RYR2: variants seen among roughly 807,000 people sequenced by gnomAD.
The protein encoded by RYR2 is cardiac muscle ryanodine receptor-calcium release channel.
In RYR2, 227 loss-of-function variants were observed where a neutral mutation model predicts 601.1. The ratio of observed to expected loss-of-function variants is 0.38; its 90% confidence interval spans 0.34 to 0.42. RYR2 has a LOEUF of 0.42. Ranked by LOEUF, RYR2 falls within the 10% of genes least tolerant of loss-of-function variation. RYR2 has a pLI of 1.00. For missense variants in RYR2, 4,646 were observed against 6,156.5 expected, an observed-to-expected ratio of 0.75 and a Z score of 8.21; for synonymous variants, 2,223 against 2,175.1, an observed-to-expected ratio of 1.02 and a Z score of -0.61.
intron 1 of RYR2, among the ~76,000 whole-genome samples, chr1:237,242,193 G>GTTTT (rs1389322285): frequency 2.0e-5 from 1 of 50,068 alleles, no homozygotes; most frequent in African/African-American, 3.5e-5. Context: ...TTTGATCACT[G>GTTTT]TTTTTTTTGT....
intron 1 of RYR2, among the ~76,000 whole-genome samples, chr1:237,053,755 A>G (rs1483572162): frequency 2.6e-5 from 4 of 152,108 alleles, no homozygotes; most frequent in Admixed American, 6.5e-5. Context: ...ATTCTACTAC[A>G]CAGTGGACAT....
At chr1:237,059,922 C>A (rs1471017001) in intron 1 of RYR2, among the ~76,000 whole-genome samples, 1 of 152,112 alleles carries the variant, frequency 6.6e-6, no homozygotes, top group Non-Finnish European at 1.5e-5. Flanking sequence ...CTGTAGGGTG[C>A]TGTAGACTTA....
At chr1:237,809,111 T>C in intron 100 of RYR2, 76 bp downstream of exon 100, 1 of 1,287,996 alleles carries the variant, frequency 7.8e-7, no homozygotes, top group Non-Finnish European at 1.1e-6. Context: ...GTGTATTTAT[T>C]CTCTAACAGT....
chr1:237,302,746 G>T (rs1443738991), intron 2 of RYR2, among the ~76,000 whole-genome samples: 2 of 152,012 alleles, frequency 1.3e-5, no homozygotes, highest in Non-Finnish European at 2.9e-5. Flanking sequence ...GTATTTGTTT[G>T]TTTTCCATTT....
chr1:237,755,105 C>T (rs779777326), intron 80 of RYR2: 2 of 1,288,110 alleles, frequency 1.6e-6, no homozygotes, highest in Admixed American at 2.3e-5. Flanking sequence ...CCAGCCTCGG[C>T]GAGAACTCTC....
intron 7 of RYR2, among the ~76,000 whole-genome samples, chr1:237,376,593 A>G (rs1428558477): frequency 6.6e-6 from 1 of 152,210 alleles, no homozygotes; most frequent in Non-Finnish European, 1.5e-5. Flanking sequence ...TATGAACAGA[A>G]TGAAGAATGG....
Position 237,593,466 on chromosome 1 carries a change from A to G in RYR2, c.4276-10A>G, listed in dbSNP as rs551064291. On this transcript the variant is annotated splice_polypyrimidine_tract_variant and intron_variant, in intron 32 of 104. Transcript: ENST00000366574. ...TACTTTGCCAATATTTGGTTCTGCT[A>G]TCTTCACAGTACTATTACTCAGTGA... 6.3e-6 allele frequency: 10 copies of G among 1,589,880 alleles called. No homozygotes were observed. The highest frequency in any genetic ancestry group is 2.7e-5 in the African/African-American group (2 of 74,034).
chr1:237,562,403 T>C (rs1559030869), intron 27 of RYR2, among the ~76,000 whole-genome samples: 1 of 152,206 alleles, frequency 6.6e-6, no homozygotes, highest in Non-Finnish European at 1.5e-5. Context: ...TATAGTTAGA[T>C]CTTGACTGCC....
At chr1:237,592,064 A>T (rs914446666) in intron 32 of RYR2, among the ~76,000 whole-genome samples, 1 of 152,210 alleles carries the variant, frequency 6.6e-6, no homozygotes, top group African/African-American at 2.4e-5. Flanking sequence ...TAGAAAAAAT[A>T]TTTGTAATGG....
At chr1:237,578,053 GCCTGCTGTGGCCTC>G (rs1162333704) in intron 29 of RYR2, among the ~76,000 whole-genome samples, 1 of 152,114 alleles carries the variant, frequency 6.6e-6, no homozygotes, top group African/African-American at 2.4e-5. Flanking sequence ...AAGGTGATCT[GCCTGCTGTGGCCTC>G]CCAAAGTGCT....
At chr1:237,794,721 A>G (rs1175256428) in intron 95 of RYR2, among the ~76,000 whole-genome samples, 1 of 152,242 alleles carries the variant, frequency 6.6e-6, no homozygotes, top group Non-Finnish European at 1.5e-5. Flanking sequence ...GAGTTGTCAA[A>G]TGGAGATTAT....
chr1:237,490,405 C>T (rs1410886904), intron 17 of RYR2, among the ~76,000 whole-genome samples: 2 of 152,104 alleles, frequency 1.3e-5, no homozygotes, highest in South Asian at 4.1e-4. Context: ...AGAAAACAAA[C>T]AAAAACATCG....
chr1:237,702,249 G>C (rs1172760031), intron 66 of RYR2, among the ~76,000 whole-genome samples, 190 bp downstream of exon 66: 1 of 152,158 alleles, frequency 6.6e-6, no homozygotes, highest in African/African-American at 2.4e-5. Flanking sequence ...GGACAATGGA[G>C]TTATGCAAAG....
chr1:237,497,652 A>G lies in RYR2; in HGVS notation c.2203+900A>G, dbSNP rs556752069. Among the ~76,000 whole-genome samples, 6 of 152,338 alleles carry G rather than the reference A, an allele frequency of 3.9e-5. No homozygotes were observed. In the South Asian group the frequency reaches 1.2e-3, roughly 32 times the overall value. ...TTGCCTCATGTGGAGTACAAATGAT[A>G]GACATTTATGAATGCTTTATGGGCC... On this transcript the variant is annotated intron_variant, in intron 20 of 104. Coordinates refer to ENST00000366574, the MANE Select transcript of RYR2 (RefSeq NM_001035.3).
At chr1:237,424,443 C>T (rs915497919) in intron 12 of RYR2, among the ~76,000 whole-genome samples, 2 of 152,116 alleles carry the variant, frequency 1.3e-5, no homozygotes, top group African/African-American at 4.8e-5. Context: ...AGTATTCAAT[C>T]GCCTTTCCCA....
chr1:237,114,923 A>G (rs1481403541), intron 1 of RYR2, among the ~76,000 whole-genome samples: 2 of 152,212 alleles, frequency 1.3e-5, no homozygotes, highest in Non-Finnish European at 2.9e-5. Flanking sequence ...TGATGACTGA[A>G]CATGCACTCA....
intron 24 of RYR2, among the ~76,000 whole-genome samples, chr1:237,520,795 G>A (rs1667009333): frequency 6.6e-6 from 1 of 152,096 alleles, no homozygotes; most frequent in Non-Finnish European, 1.5e-5. Context: ...CAGCACTTTG[G>A]GAGGCCAAGG....
chr1:237,555,650 GA>G (rs1205824285), intron 27 of RYR2, among the ~76,000 whole-genome samples: 2 of 152,048 alleles, frequency 1.3e-5, no homozygotes, highest in Admixed American at 6.5e-5. Context: ...CATTTAGAAG[GA>G]ACTCTGACAA....
chr1:237,642,102 G>A (rs1226921545), intron 47 of RYR2, among the ~76,000 whole-genome samples: 2 of 152,184 alleles, frequency 1.3e-5, no homozygotes, highest in African/African-American at 2.4e-5. Flanking sequence ...AGAACTGTAA[G>A]TATATTTCTA....
Sources: gnomAD v4.1 joint callset for allele counts (sites outside exome capture counted in the v4.1 genomes callset) on GRCh38, gnomAD v4.1.1 for gene constraint, MANE v1.5 for transcripts, NCBI Gene and HGNC (gene_info 2026-07-23, HGNC 2026-07-21) for gene names.